The following TBX19 variants were observed in gnomAD, a reference collection of about 807,000 sequenced individuals.
The protein encoded by TBX19 is T-box transcription factor 19.
TBX19 carries 33 observed loss-of-function variants against 40.9 expected under a neutral mutation model. The ratio of observed to expected loss-of-function variants is 0.81; its 90% CI spans 0.61 to 1.08. The LOEUF (loss-of-function observed/expected upper bound fraction) is 1.08. Ranked by LOEUF, TBX19 falls within the 50% of genes least tolerant of loss-of-function variation. The probability of loss-of-function intolerance (pLI) is 0.00; values close to 1 mark genes in which losing one functional copy is unlikely to be tolerated. For synonymous variants in TBX19, 220 were observed against 225.0 expected (o/e 0.98, Z 0.20); for missense variants, 494 against 574.0 (o/e 0.86, Z 1.42).
At chr1:168,309,875 G>A (rs1486394622) in intron 7 of TBX19, among the ~76,000 whole-genome samples, 1 of 152,184 alleles carries the variant, frequency 6.6e-6, no homozygotes, top group Non-Finnish European at 1.5e-5. Context: ...GAGTTACTGT[G>A]AGCATCAAAT....
In TBX19 at chr1:168,291,543, G is replaced by A; in HGVS notation, c.468+119G>A. Reference sequence around the variant, plus strand: ...GTCCTCACCAGCCTCTTCTCCCACAGAAGCCAATTATTCCCGGGAGTCCAA... The same window carrying A: ...GTCCTCACCAGCCTCTTCTCCCACAAAAGCCAATTATTCCCGGGAGTCCAA... On this transcript the variant is annotated intron_variant, in intron 2 of 7. Transcript: ENST00000367821. The A allele has an allele frequency of 2.8e-6, 4 of 1,413,008 alleles. No individual in the cohort carries two copies. In the South Asian group the frequency reaches 4.7e-5, roughly 17 times the overall value. 87.5% of individuals were successfully genotyped at this position (1,413,008 alleles called of 1,614,324 possible). A position where few individuals can be genotyped will look rare whatever the true frequency, so the allele number is the denominator to read the frequency against.
intron 7 of TBX19, among the ~76,000 whole-genome samples, chr1:168,310,894 G>A (rs1649505668): frequency 3.4e-5 from 5 of 146,626 alleles, no homozygotes; most frequent in Admixed American, 2.7e-4. Flanking sequence ...ATATTATGAT[G>A]TAAATATATA....
chr1:168,284,425 A>T (rs1648752944), intron 1 of TBX19, among the ~76,000 whole-genome samples: 1 of 152,180 alleles, frequency 6.6e-6, no homozygotes, highest in African/African-American at 2.4e-5. Flanking sequence ...CTGTGATCCC[A>T]GAACTTTGGG....
intron 1 of TBX19, among the ~76,000 whole-genome samples, chr1:168,282,113 G>A (rs1648669999): frequency 1.3e-5 from 2 of 152,160 alleles, no homozygotes; most frequent in African/African-American, 4.8e-5. Context: ...CATTCAGCTG[G>A]TGTTCACATA....
intron 6 of TBX19, among the ~76,000 whole-genome samples, chr1:168,307,212 T>C (rs1322036338): frequency 6.6e-6 from 1 of 152,154 alleles, no homozygotes; most frequent in African/African-American, 2.4e-5. Context: ...TGGCCAGGTG[T>C]CTTAGTCCCC....
chr1:168,307,425 C>T (rs552026952), intron 6 of TBX19, among the ~76,000 whole-genome samples: 5 of 152,178 alleles, frequency 3.3e-5, no homozygotes, highest in East Asian at 3.9e-4. Flanking sequence ...CTAAACCCAT[C>T]CTTTTATCAG....
intron 6 of TBX19, among the ~76,000 whole-genome samples, chr1:168,307,791 A>G (rs1343788722): frequency 6.6e-6 from 1 of 152,230 alleles, no homozygotes; most frequent in East Asian, 1.9e-4. Context: ...TTTGATATAC[A>G]TATGCATAGT....
intron 5 of TBX19, among the ~76,000 whole-genome samples, chr1:168,303,881 T>G (rs1292136279): frequency 6.6e-6 from 1 of 152,230 alleles, no homozygotes; most frequent in Non-Finnish European, 1.5e-5. Context: ...GATTCGCATA[T>G]AACTAGCAGT....
intron 2 of TBX19, 32 bp downstream of exon 2, chr1:168,291,456 G>A (rs768060028): frequency 2.1e-5 from 34 of 1,613,770 alleles, no homozygotes; most frequent in African/African-American, 5.3e-5. Context: ...CTGGCCACCC[G>A]CTCCGGCCTC....
intron 3 of TBX19, 137 bp from the exon 4 acceptor site, chr1:168,297,586 AC>A (rs1330492325): frequency 2.1e-5 from 15 of 725,622 alleles, no homozygotes; most frequent in Non-Finnish European, 3.7e-5. Flanking sequence ...TGCTGGGATT[AC>A]AGGCATAAGC....
chr1:168,299,808 C>T (rs2102358866), intron 4 of TBX19, among the ~76,000 whole-genome samples: 1 of 152,272 alleles, frequency 6.6e-6, no homozygotes, highest in East Asian at 1.9e-4. Flanking sequence ...ATATACAAGA[C>T]ACACTTATAA....
chr1:168,301,252 A>C (rs914003894), intron 5 of TBX19, among the ~76,000 whole-genome samples: 12 of 151,504 alleles, frequency 7.9e-5, no homozygotes, highest in Admixed American at 4.6e-4. Context: ...AAAGAGAAGC[A>C]GCTCTCAGAA....
chr1:168,288,193 A>G (rs1648850031), intron 1 of TBX19, among the ~76,000 whole-genome samples: 1 of 152,078 alleles, frequency 6.6e-6, no homozygotes, highest in Non-Finnish European at 1.5e-5. Flanking sequence ...ACCTATGCAC[A>G]TCCTCCCATA....
rs956156707 is a variant in TBX19, at chr1:168,300,332, A to G, written c.666-90A>G. On this transcript the variant is annotated intron_variant, in intron 4 of 7. Coordinates refer to ENST00000367821, the MANE Select transcript of TBX19 (RefSeq NM_005149.3). The stretch of plus-strand genomic sequence containing the variant: ...TTGGTTTTCTTATTCTAAGAAATTG[A>G]TTGCTCTTCAAGGAGAATTTTGGGT... 4.3e-6 allele frequency: 5 copies of G among 1,176,124 alleles called. No homozygotes were observed. In the African/African-American group the frequency reaches 6.0e-5, roughly 14 times the overall value. 72.9% of individuals were successfully genotyped at this position (1,176,124 alleles called of 1,614,324 possible). A position where few individuals can be genotyped will look rare whatever the true frequency, so the allele number is the denominator to read the frequency against.
At chr1:168,294,940 C>T (rs1649063787) in intron 3 of TBX19, among the ~76,000 whole-genome samples, 1 of 152,140 alleles carries the variant, frequency 6.6e-6, no homozygotes, top group Non-Finnish European at 1.5e-5. Flanking sequence ...GTAGCCCCAA[C>T]ACCATGATCA....
At chr1:168,312,215 AT>A (rs1462022555) in intron 7 of TBX19, among the ~76,000 whole-genome samples, 7 of 152,236 alleles carry the variant, frequency 4.6e-5, no homozygotes, top group Non-Finnish European at 1.0e-4. Flanking sequence ...CATCTTGAAG[AT>A]GAGAAATTGA....
intron 3 of TBX19, among the ~76,000 whole-genome samples, chr1:168,295,430 C>A (rs374574081): frequency 1.8e-4 from 28 of 152,158 alleles, no homozygotes; most frequent in Non-Finnish European, 3.2e-4. Context: ...TAAAAGTCTC[C>A]CCAGAGGATT....
At chr1:168,310,662 A>T (rs1649496980) in intron 7 of TBX19, among the ~76,000 whole-genome samples, 1 of 146,758 alleles carries the variant, frequency 6.8e-6, no homozygotes, top group African/African-American at 2.5e-5. Context: ...CCAGTTTTTT[A>T]TATATATATA....
At chr1:168,283,420 A>G (rs910009387) in intron 1 of TBX19, among the ~76,000 whole-genome samples, 13 of 152,224 alleles carry the variant, frequency 8.5e-5, no homozygotes, top group Admixed American at 7.9e-4. Context: ...AAGGGAAGAC[A>G]AGTCCATAAG....
Sources: gnomAD v4.1 joint callset for allele counts (sites outside exome capture counted in the v4.1 genomes callset) on GRCh38, gnomAD v4.1.1 for gene constraint, MANE v1.5 for transcripts, NCBI Gene and HGNC (gene_info 2026-07-23, HGNC 2026-07-21) for gene names.